The following CYTH1 variants were observed in gnomAD, a reference collection of about 807,000 sequenced individuals.
The protein encoded by CYTH1 is cytohesin-1.
Under a neutral mutation model 61.8 loss-of-function variants are expected in CYTH1, and 18 were observed. The observed-to-expected ratio is 0.29, with a 90% CI of 0.20 to 0.43. The LOEUF is 0.43. Ranked by LOEUF, CYTH1 falls within the 20% of genes least tolerant of loss-of-function variation. The probability of loss-of-function intolerance (pLI) is 1.00; values close to 1 mark genes in which losing one functional copy is unlikely to be tolerated. For synonymous variants in CYTH1, 174 were observed against 184.3 expected (o/e 0.94, Z 0.45); for missense variants, 336 against 510.5 (o/e 0.66, Z 3.29).
chr17:78,701,775 G>T (rs573579392), intron 5 of CYTH1, 24 bp from the exon 6 acceptor site: 1 of 1,611,938 alleles, frequency 6.2e-7, no homozygotes, highest in African/African-American at 1.3e-5. Context: ...ACAAAAAATG[G>T]GAGAGAAAGC....
At position 78,718,577 on chromosome 17, in the gene CYTH1, A is replaced by G. The variant is rs369926765; in HGVS notation, c.23-8845T>C. 4.6e-5 allele frequency among the ~76,000 whole-genome samples: 7 copies of G among 152,172 alleles called. 1 individual carries two copies. The East Asian group carries it at 1.2e-3, about 25-fold the overall frequency. The stretch of plus-strand genomic sequence containing the variant: ...ATCCTACTAGTCAGACCTTAAACAA[A>G]CCAGCGTGTTCACCTCCCTCTGCAC... On this transcript the variant is annotated intron_variant, in intron 1 of 13. Transcript: ENST00000446868.
intron 1 of CYTH1, among the ~76,000 whole-genome samples, chr17:78,731,767 A>AC (rs1387993614): frequency 6.6e-6 from 1 of 151,740 alleles, no homozygotes; most frequent in Non-Finnish European, 1.5e-5. Flanking sequence ...AAAAAAAAAA[A>AC]AAAACAAAAA....
At position 78,782,262 on chromosome 17, in the gene CYTH1, G is replaced by C; in HGVS notation, c.-39C>G. 3.3e-6 allele frequency: 4 copies of C among 1,223,334 alleles called. No individual in the cohort carries two copies. The highest frequency in any genetic ancestry group is 3.1e-6 in the Non-Finnish European group (3 of 970,026). The allele number at this position is 1,223,334 out of a possible 1,614,324, so 75.8% of individuals were successfully genotyped here. On this transcript the variant is annotated 5_prime_UTR_variant, in exon 1 of 14. Transcript: ENST00000446868. ...GGCTCCGCGCTCCGGCTCGCCGCTC[G>C]CGTCCCGCCGCGCCACCCGCGCCCC...
At chr17:78,769,796 C>G (rs1055921948) in intron 1 of CYTH1, among the ~76,000 whole-genome samples, 1 of 152,164 alleles carries the variant, frequency 6.6e-6, no homozygotes, top group Non-Finnish European at 1.5e-5. Flanking sequence ...GCAGGTGGAT[C>G]CCCTGAGGTT....
chr17:78,748,686 A>G (rs2093368356), intron 1 of CYTH1, among the ~76,000 whole-genome samples: 1 of 152,180 alleles, frequency 6.6e-6, no homozygotes, highest in Non-Finnish European at 1.5e-5. Context: ...GATGTTTATG[A>G]AAGCAAAGTT....
chr17:78,683,378 G>C (rs2092783575), intron 11 of CYTH1, among the ~76,000 whole-genome samples: 1 of 152,190 alleles, frequency 6.6e-6, no homozygotes. Context: ...CATTTGAAGA[G>C]TGGAAGACTA....
At chr17:78,697,596 A>G (rs1212905013) in intron 9 of CYTH1, among the ~76,000 whole-genome samples, 1 of 151,190 alleles carries the variant, frequency 6.6e-6, no homozygotes. Flanking sequence ...CAGATTGAAA[A>G]GGAGGGGAAA....
At chr17:78,770,401 C>T (rs866463633) in intron 1 of CYTH1, among the ~76,000 whole-genome samples, 2 of 147,818 alleles carry the variant, frequency 1.4e-5, no homozygotes, top group South Asian at 2.1e-4. Context: ...ACAAAATAGG[C>T]GGGTTTTTTT....
At chr17:78,679,043 A>G (rs541036058) in intron 13 of CYTH1, among the ~76,000 whole-genome samples, 1 of 152,346 alleles carries the variant, frequency 6.6e-6, no homozygotes, top group African/African-American at 2.4e-5. Flanking sequence ...CTCCATCTTC[A>G]GTCAGTTTTA....
rs1336473559 is a variant in CYTH1, at chr17:78,674,080, A to C, written c.*2011T>G. 2.0e-5 allele frequency: 3 copies of C among 152,656 alleles called. No homozygotes were observed. Among genetic ancestry groups the C allele is most frequent in the Admixed American group, 2.0e-4 (3 of 15,282 alleles). The allele number at this position is 152,656 out of a possible 1,614,324, so 9.5% of individuals were successfully genotyped here. A position where few individuals can be genotyped will look rare whatever the true frequency, so the allele number is the denominator to read the frequency against. On this transcript the variant is annotated 3_prime_UTR_variant, in exon 14 of 14. Transcript: ENST00000446868. ...GGCAGAGTTGGAGTTTATTTGCTGC[A>C]GTTCCTTGGCGCTAGTTTACAAGGC...
At chr17:78,744,487 C>A (rs187237998) in intron 1 of CYTH1, among the ~76,000 whole-genome samples, 1 of 152,216 alleles carries the variant, frequency 6.6e-6, no homozygotes, top group Non-Finnish European at 1.5e-5. Context: ...TGGGGTGGAG[C>A]ATAACAAAGA....
At chr17:78,725,910 C>T (rs2093263967) in intron 1 of CYTH1, among the ~76,000 whole-genome samples, 1 of 152,178 alleles carries the variant, frequency 6.6e-6, no homozygotes, top group South Asian at 2.1e-4. Flanking sequence ...ATATACCACA[C>T]AATCAAGCTT....
intron 1 of CYTH1, 125 bp from the exon 2 acceptor site, chr17:78,709,857 G>C: frequency 1.3e-6 from 1 of 763,492 alleles, no homozygotes; most frequent in Non-Finnish European, 2.1e-6. Context: ...AGAAATGACT[G>C]AGTGATAGAA....
intron 1 of CYTH1, among the ~76,000 whole-genome samples, chr17:78,741,660 A>G (rs1407134320): frequency 6.6e-6 from 1 of 152,182 alleles, no homozygotes; most frequent in Non-Finnish European, 1.5e-5. Flanking sequence ...ACTGCTGCTA[A>G]AAGTGGCAAA....
At chr17:78,686,669 T>C (rs929357400) in intron 11 of CYTH1, among the ~76,000 whole-genome samples, 1 of 152,190 alleles carries the variant, frequency 6.6e-6, no homozygotes, top group African/African-American at 2.4e-5. Flanking sequence ...CCCAGCCTTT[T>C]TGGTACCAGG....
chr17:78,691,448 T>C (rs2092885106), intron 11 of CYTH1: 1 of 152,218 alleles, frequency 6.6e-6, no homozygotes, highest in African/African-American at 2.4e-5. Flanking sequence ...GTGAATATGG[T>C]CAGGATTTCA....
intron 9 of CYTH1, among the ~76,000 whole-genome samples, chr17:78,696,480 C>T (rs989068050): frequency 1.3e-5 from 2 of 152,238 alleles, no homozygotes; most frequent in Admixed American, 6.5e-5. Flanking sequence ...CAAGAATACA[C>T]ATTCTTATGG....
chr17:78,690,792 C>T (rs2092877121), intron 11 of CYTH1, among the ~76,000 whole-genome samples: 1 of 152,076 alleles, frequency 6.6e-6, no homozygotes, highest in African/African-American at 2.4e-5. Flanking sequence ...ATTAAGGTGA[C>T]ACCACTACGG....
At chr17:78,774,123 C>T (rs150879409) in intron 1 of CYTH1, among the ~76,000 whole-genome samples, 552 of 152,250 alleles carry the variant, frequency 3.6e-3, no homozygotes, top group African/African-American at 7.8e-3. Context: ...ATTACAGGTA[C>T]GTGTACTGAT....
Sources: gnomAD v4.1 joint callset for allele counts (sites outside exome capture counted in the v4.1 genomes callset) on GRCh38, gnomAD v4.1.1 for gene constraint, MANE v1.5 for transcripts, NCBI Gene and HGNC (gene_info 2026-07-23, HGNC 2026-07-21) for gene names.